The following SENP6 variants were observed in gnomAD, a reference collection of about 807,000 sequenced individuals.
The protein encoded by SENP6 is sentrin-specific protease 6.
SENP6 carries 41 observed loss-of-function variants against 134.5 expected under a neutral mutation model. That is an observed-to-expected ratio of 0.30 (90% CI 0.24 to 0.40). The LOEUF is 0.40. Among genes scored for constraint, SENP6 ranks in the 10% least tolerant of loss-of-function variants. The pLI is 1.00. For missense variants in SENP6, 1,248 were observed against 1,312.5 expected (o/e 0.95, Z 0.76); for synonymous variants, 395 against 429.8 (o/e 0.92, Z 1.00).
intron 21 of SENP6, 67 bp from the exon 22 acceptor site, chr6:75,713,446 C>T: frequency 7.7e-7 from 1 of 1,302,420 alleles, no homozygotes; most frequent in Non-Finnish European, 1.1e-6. Flanking sequence ...TAATATGCCA[C>T]TTTTAATCCT....
intron 16 of SENP6, among the ~76,000 whole-genome samples, chr6:75,687,083 CTTTG>C (rs546612111): frequency 3.7e-4 from 57 of 152,254 alleles, no homozygotes; most frequent in African/African-American, 1.2e-3. Context: ...TTCTTGGAGG[CTTTG>C]TTTGTTTCTT....
intron 5 of SENP6, among the ~76,000 whole-genome samples, chr6:75,638,622 ATTTT>A (rs57353168): frequency 6.0e-4 from 18 of 29,874 alleles, no homozygotes; most frequent in South Asian, 1.7e-3. Context: ...ATATATATAT[ATTTT>A]TTTTTTTTTT....
intron 6 of SENP6, chr6:75,646,475 G>T (rs1190733187): frequency 6.6e-6 from 1 of 152,104 alleles, no homozygotes; most frequent in Non-Finnish European, 1.5e-5. Flanking sequence ...TTATTGTGAG[G>T]ATTAAAGGAA....
At chr6:75,647,329 G>T (rs1338257013) in intron 6 of SENP6, 1 of 157,248 alleles carries the variant, frequency 6.4e-6, no homozygotes, top group Non-Finnish European at 1.4e-5. Context: ...GATATTGTGT[G>T]TATTTGAAGT....
At chr6:75,647,926 T>G (rs1312444686) in intron 7 of SENP6, 125 bp downstream of exon 7, 2 of 555,332 alleles carry the variant, frequency 3.6e-6, no homozygotes, top group African/African-American at 3.9e-5. Context: ...GAAAACCATT[T>G]TTTTGTAACT....
At chr6:75,652,247 G>T (rs946391178) in intron 7 of SENP6, among the ~76,000 whole-genome samples, 1 of 151,538 alleles carries the variant, frequency 6.6e-6, no homozygotes, top group Non-Finnish European at 1.5e-5. Context: ...TTTTGACCTC[G>T]TGATCCGCCT....
Position 75,677,090 on chromosome 6 carries a change from T to C in SENP6, c.1682T>C (p.Met561Thr), listed in dbSNP as rs1773137271. 2 of 1,605,420 alleles carry C rather than the reference T, an allele frequency of 1.2e-6. No individual in the cohort carries two copies. The highest frequency in any genetic ancestry group is 1.3e-5 in the African/African-American group (1 of 74,864). ...AATGGCCTTGATCCTCCGGCAAATA[T>C]GGTATTTGAAAGTATCATTAATGAA... ...FQNGLDPPANMVFESIINEIG... is the reference protein window; with the variant it reads ...FQNGLDPPANTVFESIINEIG... The change falls in exon 14 of 24, where the codon ATG becomes ACG. Residue 561 changes from methionine (M) to threonine (T), a missense_variant. Met to Thr is a moderately conservative substitution (Grantham distance 81). This residue lies in a region of SENP6 where 733 missense variants were observed against 725.4 expected (regional missense o/e 1.01). Transcript: ENST00000447266.
chr6:75,701,317 T>C (rs147373435), intron 18 of SENP6, among the ~76,000 whole-genome samples: 5 of 152,300 alleles, frequency 3.3e-5, no homozygotes, highest in Admixed American at 6.5e-5. Flanking sequence ...AGCTTCTTGC[T>C]TGTGTCCTAT....
At chr6:75,690,002 C>T (rs1774125198) in intron 16 of SENP6, among the ~76,000 whole-genome samples, 1 of 152,198 alleles carries the variant, frequency 6.6e-6, no homozygotes, top group South Asian at 2.1e-4. Flanking sequence ...ACGATAGCCT[C>T]CTGGGCTCAA....
At chr6:75,647,508 C>CTTTA (rs993143054) in intron 6 of SENP6, 2 of 327,782 alleles carry the variant, frequency 6.1e-6, no homozygotes, top group African/African-American at 4.3e-5. Context: ...ACATTTATTC[C>CTTTA]TTTATTTATT....
chr6:75,703,754 T>C (rs1219035160), intron 19 of SENP6, among the ~76,000 whole-genome samples: 1 of 151,966 alleles, frequency 6.6e-6, no homozygotes, highest in Non-Finnish European at 1.5e-5. Flanking sequence ...AGAGTGAAAC[T>C]CCATCTCAAA....
At chr6:75,635,161 G>T (rs902000072) in intron 5 of SENP6, 3 of 324,522 alleles carry the variant, frequency 9.2e-6, no homozygotes, top group South Asian at 2.8e-5. Context: ...AGTTAATACC[G>T]TACTTTCTTT....
intron 1 of SENP6, among the ~76,000 whole-genome samples, chr6:75,621,111 T>G (rs890897798): frequency 6.6e-6 from 1 of 152,200 alleles, no homozygotes; most frequent in Non-Finnish European, 1.5e-5. Context: ...TTTTCTTCTG[T>G]TAAAAGGCAG....
chr6:75,692,568 G>A (rs1472149628), intron 16 of SENP6, among the ~76,000 whole-genome samples: 1 of 152,144 alleles, frequency 6.6e-6, no homozygotes, highest in Non-Finnish European at 1.5e-5. Flanking sequence ...TGAGGTTGCA[G>A]TGAGCTGTGA....
chr6:75,697,770 C>T (rs1442894547), intron 18 of SENP6: 1 of 337,082 alleles, frequency 3.0e-6, no homozygotes, highest in African/African-American at 2.1e-5. Context: ...CAAATAATAC[C>T]ATTTTTAAAA....
At chr6:75,684,918 G>T (rs759353083) in intron 16 of SENP6, among the ~76,000 whole-genome samples, 2 of 152,208 alleles carry the variant, frequency 1.3e-5, no homozygotes, top group Non-Finnish European at 2.9e-5. Flanking sequence ...CTCATAAAAT[G>T]AGTTAGGGAG....
intron 8 of SENP6, among the ~76,000 whole-genome samples, chr6:75,661,032 T>C (rs1348236512): frequency 1.3e-5 from 2 of 152,092 alleles, no homozygotes; most frequent in African/African-American, 4.8e-5. Context: ...GGAGGGAACA[T>C]ATTTGGGCAC....
intron 9 of SENP6, among the ~76,000 whole-genome samples, chr6:75,666,109 GTATA>G (rs1438978796): frequency 1.4e-5 from 2 of 142,066 alleles, no homozygotes; most frequent in Non-Finnish European, 3.0e-5. Flanking sequence ...TATATAAAAT[GTATA>G]TATGATATAT....
intron 18 of SENP6, chr6:75,697,731 C>G: frequency 7.1e-6 from 3 of 423,542 alleles, no homozygotes; most frequent in Non-Finnish European, 1.3e-5. Flanking sequence ...GACCAGATAC[C>G]TTTCTAATCT....
Sources: gnomAD v4.1 joint callset for allele counts (sites outside exome capture counted in the v4.1 genomes callset) on GRCh38, gnomAD v4.1.1 for gene constraint, gnomAD v4.1.1 regional missense constraint, MANE v1.5 for transcripts, NCBI Gene and HGNC (gene_info 2026-07-23, HGNC 2026-07-21) for gene names.